ABHD17C: variants seen among roughly 807,000 people sequenced by gnomAD.
The protein encoded by ABHD17C is abhydrolase domain containing 17C, depalmitoylase.
Under a neutral mutation model 27.9 loss-of-function variants are expected in ABHD17C, and 11 were observed. The ratio of observed to expected loss-of-function variants is 0.39; its 90% CI spans 0.25 to 0.65. The LOEUF (loss-of-function observed/expected upper bound fraction) is 0.65. Ranked by LOEUF, ABHD17C falls within the 30% of genes least tolerant of loss-of-function variation. The pLI, the probability that ABHD17C is intolerant of heterozygous loss-of-function variation, is 0.45. For synonymous variants in ABHD17C, 233 were observed against 209.1 expected, an observed-to-expected ratio of 1.11 and a Z score of -0.98; for missense variants, 280 against 470.2, an observed-to-expected ratio of 0.60 and a Z score of 3.74.
intron 1 of ABHD17C, among the ~76,000 whole-genome samples, chr15:80,701,621 G>A (rs1894573314): frequency 6.6e-6 from 1 of 151,176 alleles, no homozygotes; most frequent in African/African-American, 2.4e-5. Flanking sequence ...AGAGGTTGCA[G>A]TGAGCCAAGA....
intron 1 of ABHD17C, among the ~76,000 whole-genome samples, chr15:80,702,508 A>G (rs1474738294): frequency 6.6e-6 from 1 of 152,110 alleles, no homozygotes; most frequent in Non-Finnish European, 1.5e-5. Flanking sequence ...TCCCCTGCAG[A>G]AGTCACTTAA....
intron 1 of ABHD17C, among the ~76,000 whole-genome samples, chr15:80,698,120 A>G (rs540042569): frequency 2.2e-5 from 3 of 136,370 alleles, no homozygotes; most frequent in Admixed American, 8.3e-5. Context: ...GCTGGAGTGC[A>G]GTGGCGCCAT....
intron 2 of ABHD17C, among the ~76,000 whole-genome samples, chr15:80,751,955 A>G (rs1198781349): frequency 2.0e-5 from 3 of 152,238 alleles, no homozygotes; most frequent in Non-Finnish European, 4.4e-5. Context: ...CCCTCTCCTT[A>G]AAGGAGGATA....
intron 1 of ABHD17C, among the ~76,000 whole-genome samples, chr15:80,720,000 A>C (rs932158983): frequency 6.6e-6 from 1 of 152,118 alleles, no homozygotes; most frequent in South Asian, 2.1e-4. Flanking sequence ...GGGTTTTGCC[A>C]TGTTGGCCCG....
At chr15:80,734,168 A>G (rs1895094902) in intron 1 of ABHD17C, among the ~76,000 whole-genome samples, 1 of 152,010 alleles carries the variant, frequency 6.6e-6, no homozygotes, top group South Asian at 2.1e-4. Flanking sequence ...TATTTTTGGT[A>G]GAGATAGGGA....
chr15:80,708,891 C>T (rs574893855), intron 1 of ABHD17C, among the ~76,000 whole-genome samples: 6 of 152,258 alleles, frequency 3.9e-5, no homozygotes, highest in Admixed American at 3.9e-4. Context: ...CAGATGCAAT[C>T]ATTTTAAACC....
intron 1 of ABHD17C, among the ~76,000 whole-genome samples, chr15:80,726,653 C>T (rs910550364): frequency 1.3e-5 from 2 of 151,890 alleles, no homozygotes; most frequent in Admixed American, 6.6e-5. Flanking sequence ...GCTGGGACTA[C>T]AGGCACCCAC....
chr15:80,718,596 A>G (rs1385184089), intron 1 of ABHD17C, among the ~76,000 whole-genome samples: 1 of 152,160 alleles, frequency 6.6e-6, no homozygotes, highest in Non-Finnish European at 1.5e-5. Context: ...AGCCTCCCAA[A>G]GTGCTGGGAT....
At chr15:80,748,163 A>G (rs1020860960) in intron 1 of ABHD17C, among the ~76,000 whole-genome samples, 16 of 152,114 alleles carry the variant, frequency 1.1e-4, no homozygotes, top group Non-Finnish European at 2.2e-4. Context: ...CCATTCTTCC[A>G]TGGAGTTTCG....
chr15:80,727,201 T>C (rs1325846738), intron 1 of ABHD17C, among the ~76,000 whole-genome samples: 2 of 152,250 alleles, frequency 1.3e-5, no homozygotes, highest in African/African-American at 4.8e-5. Context: ...TTTCAATCTT[T>C]CCTTCTCCCA....
intron 1 of ABHD17C, among the ~76,000 whole-genome samples, chr15:80,707,673 C>G (rs1024261469): frequency 6.6e-6 from 1 of 152,014 alleles, no homozygotes; most frequent in Non-Finnish European, 1.5e-5. Flanking sequence ...GTTGGACAAG[C>G]TTAATCTGGA....
intron 2 of ABHD17C, among the ~76,000 whole-genome samples, chr15:80,751,580 A>G (rs963453031): frequency 6.6e-6 from 1 of 152,174 alleles, no homozygotes; most frequent in East Asian, 1.9e-4. Flanking sequence ...TCCTGTCACT[A>G]CAGAAAAAGA....
intron 2 of ABHD17C, among the ~76,000 whole-genome samples, chr15:80,752,240 AGGG>A (rs1414544673): frequency 6.6e-6 from 1 of 152,218 alleles, no homozygotes; most frequent in East Asian, 1.9e-4. Flanking sequence ...AATTAAATAT[AGGG>A]GGAAAGCAGG....
chr15:80,751,719 A>C (rs1177821048), intron 2 of ABHD17C, among the ~76,000 whole-genome samples: 2 of 152,162 alleles, frequency 1.3e-5, no homozygotes, highest in East Asian at 3.8e-4. Flanking sequence ...ACACTATTGC[A>C]CTCCAGCTTG....
chr15:80,709,572 C>G (rs760027434), intron 1 of ABHD17C, among the ~76,000 whole-genome samples: 1 of 152,016 alleles, frequency 6.6e-6, no homozygotes, highest in Non-Finnish European at 1.5e-5. Context: ...GCATACTCCT[C>G]GAAGACTCGC....
chr15:80,729,716 A>T (rs554639554), intron 1 of ABHD17C, among the ~76,000 whole-genome samples: 10 of 152,320 alleles, frequency 6.6e-5, no homozygotes, highest in African/African-American at 2.4e-4. Flanking sequence ...ACTAGGGCCG[A>T]GGAAAGGAAC....
chr15:80,698,552 G>A (rs914819835), intron 1 of ABHD17C, among the ~76,000 whole-genome samples: 1 of 152,152 alleles, frequency 6.6e-6, no homozygotes, highest in Admixed American at 6.5e-5. Context: ...GCCACGGTAA[G>A]CATATTTATC....
chr15:80,749,557 T>C lies in ABHD17C; in HGVS notation c.635T>C (p.Ile212Thr). ...AACATTATCCTCTATGGTCAGAGCA[T>C]TGGGACTGTCCCCACGGTAGACTTG... Reference protein sequence around the residue: ...PENIILYGQSIGTVPTVDLAS... With the variant: ...PENIILYGQSTGTVPTVDLAS... The change falls in exon 2 of 3, where the codon ATT becomes ACT. Residue 212 changes from isoleucine to threonine, a missense_variant. By Grantham distance (89) the Ile-to-Thr change is moderately conservative. This residue lies in a region of ABHD17C where 206 missense variants were observed against 394.7 expected (regional missense o/e 0.52). Coordinates refer to ENST00000258884, the MANE Select transcript of ABHD17C (RefSeq NM_021214.2). 3 of 1,613,980 alleles carry C rather than the reference T, an allele frequency of 1.9e-6. No individual in the cohort carries two copies. Among genetic ancestry groups the C allele is most frequent in the Non-Finnish European group, 2.5e-6 (3 of 1,179,868 alleles).
At chr15:80,741,038 T>TGGCAAG (rs554467397) in intron 1 of ABHD17C, among the ~76,000 whole-genome samples, 48 of 152,206 alleles carry the variant, frequency 3.2e-4, no homozygotes, top group Non-Finnish European at 5.9e-4. Context: ...ACATAGCTTG[T>TGGCAAG]ACCCTGCCTG....
Sources: gnomAD v4.1 joint callset for allele counts (sites outside exome capture counted in the v4.1 genomes callset) on GRCh38, gnomAD v4.1.1 for gene constraint, gnomAD v4.1.1 regional missense constraint, MANE v1.5 for transcripts, NCBI Gene and HGNC (gene_info 2026-07-23, HGNC 2026-07-21) for gene names.